The following HPCAL1 variants were observed in gnomAD, a reference collection of about 807,000 sequenced individuals.
The protein encoded by HPCAL1 is hippocalcin-like protein 1.
Under a neutral mutation model 17.1 loss-of-function variants are expected in HPCAL1, and 8 were observed. The observed-to-expected ratio is 0.47, with a 90% confidence interval of 0.27 to 0.84. The LOEUF (loss-of-function observed/expected upper bound fraction) is 0.84. Among genes scored for constraint, HPCAL1 ranks in the 40% least tolerant of loss-of-function variants. The probability of loss-of-function intolerance (pLI) is 0.13; values close to 1 mark genes in which losing one functional copy is unlikely to be tolerated. For synonymous variants in HPCAL1, 112 were observed against 111.4 expected, an observed-to-expected ratio of 1.01 and a Z score of -0.03; for missense variants, 165 against 271.1, an observed-to-expected ratio of 0.61 and a Z score of 2.75.
At chr2:10,319,196 G>T (rs1230591325) in intron 1 of HPCAL1, among the ~76,000 whole-genome samples, 1 of 152,190 alleles carries the variant, frequency 6.6e-6, no homozygotes, top group African/African-American at 2.4e-5. Context: ...TTCCCTTGTG[G>T]AAATTTGAGT....
rs750307763 is a variant in HPCAL1 at position 10,422,972 on chromosome 2, C to T, written c.379-11C>T. 4 of 1,600,040 alleles carry T rather than the reference C, an allele frequency of 2.5e-6. No individual in the cohort carries two copies. Among genetic ancestry groups the T allele is most frequent in the Admixed American group, 1.7e-5 (1 of 59,952 alleles). On this transcript the variant is annotated splice_polypyrimidine_tract_variant and intron_variant, in intron 3 of 4. Coordinates refer to ENST00000307845, the MANE Select transcript of HPCAL1 (RefSeq NM_002149.4). ...GGCCTCTGAGCACAGTGTCATTGCC[C>T]CCATCCGCAGGCCATCTACAAGATG...
rs1218256241 is a variant in HPCAL1 at position 10,400,462 on chromosome 2, C to T, written c.-25+3542C>T. 2.0e-5 allele frequency among the ~76,000 whole-genome samples: 3 copies of T among 152,152 alleles called. No homozygotes were observed. The East Asian group carries it at 5.8e-4, about 29-fold the overall frequency. On this transcript the variant is annotated intron_variant, in intron 2 of 4. Transcript: ENST00000307845. ...AGATTTGGGGCCGGAAGAGCAGGAC[C>T]CCAGGCTTGCCTCCCCTCTAGTGCT... is the stretch of plus-strand genomic sequence containing the variant.
intron 1 of HPCAL1, among the ~76,000 whole-genome samples, chr2:10,312,189 C>T (rs943978399): frequency 1.7e-5 from 2 of 115,270 alleles, no homozygotes; most frequent in African/African-American, 6.2e-5. Context: ...TCACCATCAC[C>T]ATCATCATCA....
chr2:10,397,522 C>T (rs1198620555), intron 2 of HPCAL1, among the ~76,000 whole-genome samples: 1 of 152,230 alleles, frequency 6.6e-6, no homozygotes, highest in Non-Finnish European at 1.5e-5. Flanking sequence ...CCCCCCAGGC[C>T]CCTGCCTGCT....
chr2:10,319,103 C>T lies in HPCAL1; in HGVS notation c.-111+15926C>T, dbSNP rs200565484. On this transcript the variant is annotated intron_variant, in intron 1 of 4. Coordinates refer to ENST00000307845, the MANE Select transcript of HPCAL1 (RefSeq NM_002149.4). ...TCATCAACATCATTGTCGTCCTCAT[C>T]GTGAGTCTTTCCAAATTCACCTCCT... 5.9e-5 allele frequency among the ~76,000 whole-genome samples: 9 copies of T among 152,354 alleles called. No individual in the cohort carries two copies. The South Asian group carries it at 1.0e-3, about 18-fold the overall frequency.
chr2:10,369,460 G>A (rs1190946524), intron 1 of HPCAL1, among the ~76,000 whole-genome samples: 2 of 152,248 alleles, frequency 1.3e-5, no homozygotes, highest in African/African-American at 4.8e-5. Context: ...AGTACTTGCA[G>A]GCCTGGGAGG....
chr2:10,378,030 G>A (rs1039855395), intron 1 of HPCAL1, among the ~76,000 whole-genome samples: 1 of 152,104 alleles, frequency 6.6e-6, no homozygotes, highest in African/African-American at 2.4e-5. Context: ...GTGACCTCAC[G>A]ACAGGCTGGA....
At chr2:10,315,248 G>A (rs555227332) in intron 1 of HPCAL1, among the ~76,000 whole-genome samples, 90 of 150,954 alleles carry the variant, frequency 6.0e-4, no homozygotes, top group African/African-American at 2.1e-3. Flanking sequence ...AGCCGAGATC[G>A]CGCCACTGCA....
chr2:10,421,788 G>T (rs1210466472), intron 3 of HPCAL1, among the ~76,000 whole-genome samples: 1 of 152,186 alleles, frequency 6.6e-6, no homozygotes, highest in East Asian at 1.9e-4. Context: ...TGGGCCTCCA[G>T]TAGCGGGTAT....
chr2:10,423,228 T>C, intron 4 of HPCAL1, 140 bp downstream of exon 4: 1 of 672,972 alleles, frequency 1.5e-6, no homozygotes, highest in Non-Finnish European at 2.7e-6. Flanking sequence ...GCGCCTGCCA[T>C]GCCCAGGGAA....
At chr2:10,396,231 T>C (rs1172969950) in intron 1 of HPCAL1, among the ~76,000 whole-genome samples, 1 of 152,230 alleles carries the variant, frequency 6.6e-6, no homozygotes, top group African/African-American at 2.4e-5. Flanking sequence ...TGCCCTGTGC[T>C]GGGCCCAGGA....
In HPCAL1 at chr2:10,400,222, G is replaced by A. The variant is rs539043466; in HGVS notation, c.-25+3302G>A. Among the ~76,000 whole-genome samples, 18 of 152,284 alleles carry A rather than the reference G, an allele frequency of 1.2e-4. No individual in the cohort carries two copies. The East Asian group carries it at 2.9e-3, about 25-fold the overall frequency. ...GCAGGCGGCTCAGCCAGGTCGGAGT[G>A]GGTCACACCTGAGGGGCAGGACGCT... On this transcript the variant is annotated intron_variant, in intron 2 of 4. Transcript: ENST00000307845.
At chr2:10,356,470 TG>T (rs1666164862) in intron 1 of HPCAL1, among the ~76,000 whole-genome samples, 1 of 151,744 alleles carries the variant, frequency 6.6e-6, no homozygotes, top group Non-Finnish European at 1.5e-5. Flanking sequence ...ACTCAGAGGG[TG>T]GTGGGGGGCA....
intron 2 of HPCAL1, among the ~76,000 whole-genome samples, chr2:10,413,568 C>T (rs1670479661): frequency 2.0e-5 from 3 of 152,220 alleles, no homozygotes; most frequent in Non-Finnish European, 4.4e-5. Context: ...TGCCCTCTGG[C>T]ACACGCAGGA....
Position 10,387,433 on chromosome 2 carries a change from C to T in HPCAL1, c.-110-9402C>T, listed in dbSNP as rs570604776. On this transcript the variant is annotated intron_variant, in intron 1 of 4. Coordinates refer to ENST00000307845, the MANE Select transcript of HPCAL1 (RefSeq NM_002149.4). ...TTGGTGTATTCCCCCACCCTCTCAC[C>T]CCCACAGCGTTCCTGGTGCTCTGGG... 3.9e-5 allele frequency among the ~76,000 whole-genome samples: 6 copies of T among 152,324 alleles called. No homozygotes were observed. The East Asian group carries it at 1.2e-3, about 29-fold the overall frequency.
At chr2:10,370,559 A>C (rs535869493) in intron 1 of HPCAL1, among the ~76,000 whole-genome samples, 1 of 152,326 alleles carries the variant, frequency 6.6e-6, no homozygotes, top group Non-Finnish European at 1.5e-5. Context: ...GCGGGGTCTA[A>C]CATGTGGGAA....
chr2:10,424,213 G>T, intron 4 of HPCAL1: 2 of 324,970 alleles, frequency 6.2e-6, no homozygotes, highest in Non-Finnish European at 1.2e-5. Flanking sequence ...CATGGCCCCA[G>T]CGGGAGACGG....
chr2:10,409,020 T>A (rs1670156415), intron 2 of HPCAL1, among the ~76,000 whole-genome samples: 1 of 152,230 alleles, frequency 6.6e-6, no homozygotes, highest in Admixed American at 6.5e-5. Context: ...AGATCCCAAA[T>A]GGTATCATTT....
At chr2:10,355,450 CAAAAAAAAAAAAAAAAAAAA>C (rs34600690) in intron 1 of HPCAL1, among the ~76,000 whole-genome samples, 11 of 32,212 alleles carry the variant, frequency 3.4e-4, no homozygotes, top group Admixed American at 2.2e-3. Context: ...GACTCCGTCT[CAAAAAAAAAAAAAAAAAAAA>C]AAAAAAAAAA....
Sources: allele counts gnomAD v4.1 joint callset (sites outside exome capture counted in the v4.1 genomes callset), GRCh38; gene constraint gnomAD v4.1.1; transcripts MANE v1.5; gene names NCBI Gene and HGNC (gene_info 2026-07-23, HGNC 2026-07-21).